RTN4RL1: variants seen among roughly 807,000 people sequenced by gnomAD.
The protein encoded by RTN4RL1 is reticulon 4 receptor like 1.
Under a neutral mutation model 25.6 loss-of-function variants are expected in RTN4RL1, and 7 were observed. The observed-to-expected ratio is 0.27, with a 90% CI of 0.16 to 0.51. The LOEUF (loss-of-function observed/expected upper bound fraction) is 0.51. RTN4RL1 is among the 20% of genes least tolerant of loss of function. The pLI is 0.97. For missense variants in RTN4RL1, 500 were observed against 615.6 expected (o/e 0.81, Z 1.99); for synonymous variants, 297 against 288.2 (o/e 1.03, Z -0.31).
intron 1 of RTN4RL1, among the ~76,000 whole-genome samples, chr17:1,980,926 CAAAAA>C (rs71723916): frequency 9.2e-5 from 8 of 87,146 alleles, no homozygotes; most frequent in African/African-American, 1.9e-4. Flanking sequence ...GATTCTATCT[CAAAAA>C]AAAAAAAAAA....
chr17:1,976,558 T>C (rs1202762690), intron 1 of RTN4RL1, among the ~76,000 whole-genome samples: 1 of 152,246 alleles, frequency 6.6e-6, no homozygotes, highest in East Asian at 1.9e-4. Context: ...GGCAGGTGGA[T>C]TGGCCTCCTT....
At chr17:1,989,505 A>G (rs2066900593) in intron 1 of RTN4RL1, among the ~76,000 whole-genome samples, 1 of 152,166 alleles carries the variant, frequency 6.6e-6, no homozygotes, top group Admixed American at 6.5e-5. Flanking sequence ...AGGCTTGAGA[A>G]GGGTGCTGGA....
chr17:2,003,958 C>T (rs1312727782), intron 1 of RTN4RL1, among the ~76,000 whole-genome samples: 1 of 152,216 alleles, frequency 6.6e-6, no homozygotes, highest in African/African-American at 2.4e-5. Context: ...GTAATCCCAG[C>T]TACTCGGGAG....
Position 1,934,991 on chromosome 17 carries a change from A to G in RTN4RL1, c.*1505T>C, listed in dbSNP as rs1915265430. ...CTTCCGTGATGCAGAAGTGCCTGAG[A>G]TGGTTCATGAAATGCCCTCATTGTT... is the stretch of plus-strand genomic sequence containing the variant. On this transcript the variant is annotated 3_prime_UTR_variant, in exon 2 of 2. Coordinates refer to ENST00000331238, the MANE Select transcript of RTN4RL1 (RefSeq NM_178568.4). This position sits in a 1 kb window ranked among gnomAD's most constrained non-coding sequence, Gnocchi z 4.0. 6.6e-6 allele frequency: 1 copy of G among 152,098 alleles called. No homozygotes were observed. Among genetic ancestry groups the G allele is most frequent in the Non-Finnish European group, 1.5e-5 (1 of 68,084 alleles). 9.4% of individuals were successfully genotyped at this position (152,098 alleles called of 1,614,324 possible). A position where few individuals can be genotyped will look rare whatever the true frequency, so the allele number is the denominator to read the frequency against.
chr17:1,985,906 G>A (rs571338495), intron 1 of RTN4RL1, among the ~76,000 whole-genome samples: 29 of 152,244 alleles, frequency 1.9e-4, no homozygotes, highest in African/African-American at 6.7e-4. Flanking sequence ...GTGAGAGGTT[G>A]ATTGGCAGGA....
chr17:2,015,425 C>T (rs1411275375), intron 1 of RTN4RL1, among the ~76,000 whole-genome samples: 1 of 152,158 alleles, frequency 6.6e-6, no homozygotes, highest in Non-Finnish European at 1.5e-5. Flanking sequence ...TGGCCGGCCA[C>T]TGCAGCCACG....
Position 1,956,925 on chromosome 17 carries a change from A to T in RTN4RL1, c.14-19117T>A, listed in dbSNP as rs555428202. ...CGCCCGGCTTTTGTATTTTGAGTACAGACGGGTTTTCACCATGTTGGCCAG... is the reference window on the plus strand; with the variant it reads ...CGCCCGGCTTTTGTATTTTGAGTACTGACGGGTTTTCACCATGTTGGCCAG... On this transcript the variant is annotated intron_variant, in intron 1 of 1. Transcript: ENST00000331238. Among the ~76,000 whole-genome samples the T allele has an allele frequency of 9.9e-5, 15 of 152,090 alleles. No homozygotes were observed. In the South Asian group the frequency reaches 2.9e-3, roughly 29 times the overall value.
intron 1 of RTN4RL1, among the ~76,000 whole-genome samples, chr17:1,939,258 C>T (rs553687700): frequency 6.6e-6 from 1 of 151,824 alleles, no homozygotes; most frequent in Non-Finnish European, 1.5e-5. Flanking sequence ...GAGGCTGAGG[C>T]AGGAGAATAG....
chr17:1,951,526 A>G (rs1364857374), intron 1 of RTN4RL1, among the ~76,000 whole-genome samples: 1 of 151,774 alleles, frequency 6.6e-6, no homozygotes, highest in African/African-American at 2.4e-5. Context: ...ATCTCGGCTC[A>G]CTGCAACCTC....
intron 1 of RTN4RL1, among the ~76,000 whole-genome samples, chr17:1,954,902 G>A (rs1331745916): frequency 2.0e-5 from 3 of 152,338 alleles, no homozygotes; most frequent in Admixed American, 2.0e-4. Flanking sequence ...CGACCCCAGG[G>A]TAGGTAACTT....
rs775626707 is a variant in RTN4RL1, at chr17:1,937,600, G to A, written c.222C>T (p.Phe74=). The change falls in exon 2 of 2, where the codon TTC becomes TTT. Residue 74 remains phenylalanine (F), a synonymous_variant. Transcript: ENST00000331238. The part of the protein sequence containing the change: ...NRIGLLQPGH[F]SPAMVTLWIY... ...TCCACAGGGTGACCATGGCGGGGCTGAAGTGGCCGGGCTGGAGGAGGCCGA... is the reference window on the plus strand; with the variant it reads ...TCCACAGGGTGACCATGGCGGGGCTAAAGTGGCCGGGCTGGAGGAGGCCGA... 6.2e-7 allele frequency: 1 copy of A among 1,613,956 alleles called. No individual in the cohort carries two copies. Among genetic ancestry groups the A allele is most frequent in the East Asian group, 2.2e-5 (1 of 44,884 alleles).
chr17:1,950,290 C>T (rs1417788755), intron 1 of RTN4RL1, among the ~76,000 whole-genome samples: 2 of 151,902 alleles, frequency 1.3e-5, no homozygotes, highest in Non-Finnish European at 2.9e-5. Flanking sequence ...GACACACTGA[C>T]GGATCAGGGT....
At position 1,985,579 on chromosome 17, in the gene RTN4RL1, C is replaced by T. The variant is rs145935037; in HGVS notation, c.13+39274G>A. The stretch of plus-strand genomic sequence containing the variant: ...CCCGGCTTTAAAAGCCCAGATTAAT[C>T]GCCCTGGGCTGGTTCTGTCACACAT... On this transcript the variant is annotated intron_variant, in intron 1 of 1. Transcript: ENST00000331238. 7.7e-4 allele frequency among the ~76,000 whole-genome samples: 118 copies of T among 152,306 alleles called. 1 individual carries two copies. In the East Asian group the frequency reaches 0.02, roughly 26 times the overall value.
intron 1 of RTN4RL1, among the ~76,000 whole-genome samples, chr17:1,955,384 A>G (rs888045765): frequency 4.0e-5 from 6 of 151,726 alleles, no homozygotes; most frequent in African/African-American, 1.2e-4. Flanking sequence ...GTGAGACTCC[A>G]TCTCTATAAA....
chr17:1,948,635 A>G (rs1360712948), intron 1 of RTN4RL1, among the ~76,000 whole-genome samples: 3 of 152,086 alleles, frequency 2.0e-5, no homozygotes, highest in Admixed American at 2.0e-4. Flanking sequence ...GGATGGGCCC[A>G]CCAAGTCCTC....
Position 1,994,535 on chromosome 17 carries a change from C to A in RTN4RL1, c.13+30318G>T, listed in dbSNP as rs1292354707. ...GCTCCATCCCCTTCCCACCAGCTTG[C>A]GAGCTTATCAAACCCACAATTTGGG... On this transcript the variant is annotated intron_variant, in intron 1 of 1. Coordinates refer to ENST00000331238, the MANE Select transcript of RTN4RL1 (RefSeq NM_178568.4). This position sits in a 1 kb window ranked among gnomAD's most constrained non-coding sequence, Gnocchi z 4.3. Among the ~76,000 whole-genome samples, 1 of 152,196 alleles carries A rather than the reference C, an allele frequency of 6.6e-6. No individual in the cohort carries two copies. Among genetic ancestry groups the A allele is most frequent in the African/African-American group, 2.4e-5 (1 of 41,454 alleles).
At chr17:2,016,967 C>G (rs904414195) in intron 1 of RTN4RL1, among the ~76,000 whole-genome samples, 1 of 152,248 alleles carries the variant, frequency 6.6e-6, no homozygotes, top group African/African-American at 2.4e-5. Flanking sequence ...AGTCACCCCA[C>G]TAAATGTCAA....
rs1411121780 is a variant in RTN4RL1 at position 1,998,361 on chromosome 17, G to C, written c.13+26492C>G. Among the ~76,000 whole-genome samples the C allele has an allele frequency of 3.3e-5, 5 of 152,154 alleles. No individual in the cohort carries two copies. In the South Asian group the frequency reaches 1.0e-3, roughly 31 times the overall value. ...GGGAGGGTCTTCTCGCTCTAGAGCC[G>C]GGGGCCCGCGCTGAGAGATCGGGGT... On this transcript the variant is annotated intron_variant, in intron 1 of 1. Transcript: ENST00000331238. The surrounding 1 kb of genome is among the most constrained non-coding windows in gnomAD (Gnocchi z 4.9).
chr17:1,940,357 C>G (rs1255766324), intron 1 of RTN4RL1, among the ~76,000 whole-genome samples: 1 of 152,206 alleles, frequency 6.6e-6, no homozygotes, highest in Non-Finnish European at 1.5e-5. Flanking sequence ...TCTCTGTGCT[C>G]TCTGCAGTGA....
Sources: allele counts gnomAD v4.1 joint callset (sites outside exome capture counted in the v4.1 genomes callset), GRCh38; gene constraint gnomAD v4.1.1; non-coding constraint Gnocchi (gnomAD v3.1); transcripts MANE v1.5; gene names NCBI Gene and HGNC (gene_info 2026-07-23, HGNC 2026-07-21).